Variants in IGF2BP2 observed in about 807,000 individuals in gnomAD.
IGF2BP2 encodes insulin-like growth factor 2 mRNA-binding protein 2.
A neutral mutation model predicts 75.8 loss-of-function variants in IGF2BP2; 17 were observed. That is an observed-to-expected ratio of 0.22 (90% CI 0.15 to 0.34). IGF2BP2 has a LOEUF of 0.34. Ranked by LOEUF, IGF2BP2 falls within the 10% of genes least tolerant of loss-of-function variation. IGF2BP2 has a pLI of 1.00. For missense variants in IGF2BP2, 516 were observed against 772.4 expected (o/e 0.67, Z 3.93); for synonymous variants, 288 against 295.6 (o/e 0.97, Z 0.26).
At chr3:185,727,217 CA>C (rs11294125) in intron 2 of IGF2BP2, among the ~76,000 whole-genome samples, 52,413 of 105,956 alleles carry the variant, frequency 0.49, 9,943 homozygotes, top group African/African-American at 0.57. Context: ...GACTCCGTCT[CA>C]AAAAAAAAAA....
chr3:185,753,103 T>A (rs1731167961), intron 2 of IGF2BP2, among the ~76,000 whole-genome samples: 1 of 152,308 alleles, frequency 6.6e-6, no homozygotes, highest in Admixed American at 6.5e-5. Flanking sequence ...AATCTTTCCA[T>A]TTTACGCTGT....
At chr3:185,706,665 G>C (rs1241503979) in intron 2 of IGF2BP2, among the ~76,000 whole-genome samples, 2 of 151,916 alleles carry the variant, frequency 1.3e-5, no homozygotes, top group Non-Finnish European at 2.9e-5. Context: ...AAAGAAATTA[G>C]CATGCTTGTT....
At chr3:185,761,756 GA>G (rs1370626430) in intron 2 of IGF2BP2, among the ~76,000 whole-genome samples, 1 of 152,174 alleles carries the variant, frequency 6.6e-6, no homozygotes, top group Non-Finnish European at 1.5e-5. Flanking sequence ...AACATTAATT[GA>G]AATATTTCCA....
At chr3:185,821,901 AT>A (rs1367014869) in intron 2 of IGF2BP2, among the ~76,000 whole-genome samples, 2 of 152,182 alleles carry the variant, frequency 1.3e-5, no homozygotes. Context: ...AGAATACCTT[AT>A]TGAAAACCAA....
At chr3:185,681,519 C>G (rs1468628255) in intron 7 of IGF2BP2, among the ~76,000 whole-genome samples, 1 of 152,150 alleles carries the variant, frequency 6.6e-6, no homozygotes, top group Non-Finnish European at 1.5e-5. Context: ...CGAAAGTGAT[C>G]TACAGATTCA....
chr3:185,665,116 G>A (rs1199531612), intron 10 of IGF2BP2, among the ~76,000 whole-genome samples: 1 of 148,430 alleles, frequency 6.7e-6, no homozygotes, highest in Non-Finnish European at 1.5e-5. Context: ...AGTGAGCTGG[G>A]ATCACACCAC....
intron 7 of IGF2BP2, among the ~76,000 whole-genome samples, chr3:185,685,942 C>T (rs574335348): frequency 2.6e-5 from 4 of 152,326 alleles, no homozygotes; most frequent in Non-Finnish European, 5.9e-5. Context: ...CTGCACCCAG[C>T]ATGAAAGTCT....
At chr3:185,660,379 C>T (rs983989637) in intron 10 of IGF2BP2, among the ~76,000 whole-genome samples, 4 of 152,184 alleles carry the variant, frequency 2.6e-5, no homozygotes, top group African/African-American at 7.2e-5. Context: ...CTCCATCCCC[C>T]GAATCTCCTG....
intron 2 of IGF2BP2, among the ~76,000 whole-genome samples, chr3:185,809,607 G>A (rs2150000776): frequency 6.6e-6 from 1 of 152,004 alleles, no homozygotes; most frequent in South Asian, 2.1e-4. Flanking sequence ...CCTAGCCTGG[G>A]TAACAGAGTG....
chr3:185,664,231 ACACAGAT>A (rs1008973071), intron 10 of IGF2BP2, among the ~76,000 whole-genome samples: 27 of 152,290 alleles, frequency 1.8e-4, no homozygotes, highest in African/African-American at 5.3e-4. Context: ...TGAGATGCTA[ACACAGAT>A]CTCTGTGTCT....
chr3:185,732,519 A>C (rs978621514), intron 2 of IGF2BP2, among the ~76,000 whole-genome samples: 6 of 152,168 alleles, frequency 3.9e-5, no homozygotes, highest in African/African-American at 9.7e-5. Context: ...ACTGAGATCC[A>C]AATCTGGGAC....
chr3:185,756,375 G>A (rs556193921), intron 2 of IGF2BP2, among the ~76,000 whole-genome samples: 12 of 152,204 alleles, frequency 7.9e-5, no homozygotes, highest in African/African-American at 1.2e-4. Flanking sequence ...ACCCAGTCTC[G>A]GGTGTTCTTT....
chr3:185,662,030 G>A (rs536336420), intron 10 of IGF2BP2, among the ~76,000 whole-genome samples: 24 of 152,202 alleles, frequency 1.6e-4, no homozygotes, highest in Admixed American at 1.4e-3. Flanking sequence ...AGGATGTGGC[G>A]GGGGAGGCAG....
chr3:185,676,882 G>T (rs1004672504), intron 7 of IGF2BP2, among the ~76,000 whole-genome samples: 1 of 141,716 alleles, frequency 7.1e-6, no homozygotes, highest in African/African-American at 2.6e-5. Flanking sequence ...TATATATGGA[G>T]ATGTATATAT....
intron 2 of IGF2BP2, among the ~76,000 whole-genome samples, chr3:185,740,093 C>G (rs1383677439): frequency 2.6e-5 from 4 of 152,046 alleles, no homozygotes; most frequent in Non-Finnish European, 5.9e-5. Context: ...AGCAATCCAC[C>G]CGCCTCAGCA....
Position 185,715,123 on chromosome 3 carries a change from G to A in IGF2BP2, c.240-16776C>T, listed in dbSNP as rs374460574. 2.3e-4 allele frequency among the ~76,000 whole-genome samples: 35 copies of A among 152,316 alleles called. No homozygotes were observed. The East Asian group carries it at 2.9e-3, about 13-fold the overall frequency. ...CAGGGGGAGGCAACACCTTAGCAAC[G>A]CTCTGAGGAATGGAAGGCAGAATAC... On this transcript the variant is annotated intron_variant, in intron 2 of 15. Coordinates refer to ENST00000382199, the MANE Select transcript of IGF2BP2 (RefSeq NM_006548.6).
intron 2 of IGF2BP2, among the ~76,000 whole-genome samples, chr3:185,762,287 G>A (rs1016868408): frequency 2.0e-5 from 3 of 151,260 alleles, no homozygotes; most frequent in Non-Finnish European, 4.4e-5. Flanking sequence ...TAGCACTTCC[G>A]GAGGCCAAGA....
intron 2 of IGF2BP2, among the ~76,000 whole-genome samples, chr3:185,744,527 G>A (rs1729984321): frequency 6.6e-6 from 1 of 152,184 alleles, no homozygotes; most frequent in African/African-American, 2.4e-5. Context: ...GGAATTATCA[G>A]CCAGGTGCCA....
intron 13 of IGF2BP2, among the ~76,000 whole-genome samples, chr3:185,650,014 T>A (rs1312830181): frequency 6.6e-6 from 1 of 152,170 alleles, no homozygotes; most frequent in Non-Finnish European, 1.5e-5. Flanking sequence ...TAAAAAAATT[T>A]CTAATGGAGA....
Sources: gnomAD v4.1 joint callset for allele counts (sites outside exome capture counted in the v4.1 genomes callset) on GRCh38, gnomAD v4.1.1 for gene constraint, MANE v1.5 for transcripts, NCBI Gene and HGNC (gene_info 2026-07-23, HGNC 2026-07-21) for gene names.